VIRMA: variants seen among roughly 807,000 people sequenced by gnomAD.
VIRMA encodes the protein protein virilizer homolog.
VIRMA carries 65 observed loss-of-function variants against 182.4 expected under a neutral mutation model. That is an observed-to-expected ratio of 0.36 (90% confidence interval 0.29 to 0.44). The LOEUF (loss-of-function observed/expected upper bound fraction) is 0.44. VIRMA is among the 20% of genes least tolerant of loss of function. VIRMA has a pLI of 1.00. For synonymous variants in VIRMA, 709 were observed against 743.1 expected (o/e 0.95, Z 0.75); for missense variants, 1,752 against 2,158.1 (o/e 0.81, Z 3.73).
chr8:94,547,883 A>C (rs1245357106), intron 1 of VIRMA, among the ~76,000 whole-genome samples: 2 of 149,480 alleles, frequency 1.3e-5, no homozygotes, highest in African/African-American at 5.0e-5. Flanking sequence ...AAAAAAAAAA[A>C]AACTTTAAAA....
intron 8 of VIRMA, among the ~76,000 whole-genome samples, chr8:94,520,169 G>T (rs1814712004): frequency 7.4e-6 from 1 of 135,990 alleles, no homozygotes; most frequent in Non-Finnish European, 1.5e-5. Context: ...ACTCCAACCT[G>T]AGTGAGACCC....
At chr8:94,542,503 G>C (rs1815592297) in intron 2 of VIRMA, among the ~76,000 whole-genome samples, 1 of 152,184 alleles carries the variant, frequency 6.6e-6, no homozygotes, top group Non-Finnish European at 1.5e-5. Flanking sequence ...GATAATAAAT[G>C]TGTAGTTTTA....
At chr8:94,524,532 T>C (rs778317930) in intron 8 of VIRMA, among the ~76,000 whole-genome samples, 2 of 150,422 alleles carry the variant, frequency 1.3e-5, no homozygotes, top group Non-Finnish European at 3.0e-5. Context: ...CTCGAACTCC[T>C]GAACTCAGAT....
At chr8:94,499,924 C>T (rs1028686049) in intron 16 of VIRMA, among the ~76,000 whole-genome samples, 2 of 151,730 alleles carry the variant, frequency 1.3e-5, no homozygotes, top group Non-Finnish European at 2.9e-5. Flanking sequence ...CAGCACACAC[C>T]TGCAATCCCA....
chr8:94,517,494 C>T (rs1814601229), intron 10 of VIRMA, among the ~76,000 whole-genome samples: 1 of 152,234 alleles, frequency 6.6e-6, no homozygotes. Flanking sequence ...TGAGCCACCG[C>T]ACCCGGCCTT....
chr8:94,491,314 C>A (rs1426111697), intron 22 of VIRMA, among the ~76,000 whole-genome samples: 14 of 141,024 alleles, frequency 9.9e-5, no homozygotes, highest in Admixed American at 2.1e-4. Flanking sequence ...ACTCTTGTCT[C>A]AAAAAAAAAA....
chr8:94,509,667 TTATAA>T lies in VIRMA; in HGVS notation c.3879+16_3879+20del. On this transcript the variant is annotated intron_variant, in intron 15 of 23. Transcript: ENST00000297591. The stretch of plus-strand genomic sequence containing the variant: ...ACACATACACATGCAGAGAGAGACT[TTATAA>T]AATAACTATAAATACCTGATCACAG... The T allele has an allele frequency of 6.3e-7, 1 of 1,595,068 alleles. No individual in the cohort carries two copies.
At chr8:94,537,200 C>T in intron 3 of VIRMA, 49 bp from the exon 4 acceptor site, 1 of 1,153,096 alleles carries the variant, frequency 8.7e-7, no homozygotes, top group Non-Finnish European at 1.3e-6. Flanking sequence ...CTGAACATCA[C>T]AGTTCATGAA....
Position 94,506,612 on chromosome 8 carries a change from A to C in VIRMA, c.3985T>G (p.Cys1329Gly). 1 of 1,613,686 alleles carries C rather than the reference A, an allele frequency of 6.2e-7. No individual in the cohort carries two copies. Among genetic ancestry groups the C allele is most frequent in the Non-Finnish European group, 8.5e-7 (1 of 1,179,636 alleles). Residue 1329 changes from cysteine (C) to glycine (G), a missense_variant, in exon 16 of 24, where the codon TGT (cysteine) becomes GGT (glycine). By Grantham distance (159) the Cys-to-Gly change is radical (BLOSUM62 -3). Transcript: ENST00000297591. ...NKELMTSICD[C>G]LLATLANSES... Reference sequence around the variant, plus strand: ...GAGTTAGCTAGCGTAGCCAACAGACAGTCACAGATTGAGGTCATCAATTCT... The same window carrying C: ...GAGTTAGCTAGCGTAGCCAACAGACCGTCACAGATTGAGGTCATCAATTCT...
chr8:94,506,430 T>C (rs1814156269), intron 16 of VIRMA, 70 bp downstream of exon 16: 3 of 936,786 alleles, frequency 3.2e-6, no homozygotes, highest in Admixed American at 2.2e-5. Flanking sequence ...TGAATTAATG[T>C]GGGGTGAAGG....
At chr8:94,496,764 C>T (rs1202872654) in intron 17 of VIRMA, 2 of 276,352 alleles carry the variant, frequency 7.2e-6, no homozygotes, top group Non-Finnish European at 1.3e-5. Flanking sequence ...TAGGACGTGA[C>T]ACACTGATTG....
intron 19 of VIRMA, 95 bp downstream of exon 19, chr8:94,495,636 G>T: frequency 2.3e-6 from 2 of 869,660 alleles, no homozygotes; most frequent in Non-Finnish European, 3.5e-6. Flanking sequence ...CTTACTATCT[G>T]GCCCTTTATA....
At chr8:94,549,587 G>A (rs1204116613) in intron 1 of VIRMA, among the ~76,000 whole-genome samples, 1 of 152,102 alleles carries the variant, frequency 6.6e-6, no homozygotes, top group African/African-American at 2.4e-5. Context: ...CACATAATCA[G>A]TTGCCATCCT....
chr8:94,526,410 C>T lies in VIRMA; in HGVS notation c.1834G>A (p.Asp612Asn). The change falls in exon 8 of 24, where the codon GAT becomes AAT. Residue 612 changes from aspartate (D) to asparagine (N), a missense_variant. This residue lies in a region of VIRMA where 401 missense variants were observed against 455.1 expected (regional missense o/e 0.88). Transcript: ENST00000297591. ...ENEVEASMDM[D>N]LLESSNISEG... ...CTTATATTTGAGGATTCCAAAAGAT[C>T]CATATCCATAGAAGCTTCCACCTCA... 6.2e-7 allele frequency: 1 copy of T among 1,613,950 alleles called. No homozygotes were observed.
intron 11 of VIRMA, among the ~76,000 whole-genome samples, chr8:94,513,899 T>G (rs1453201234): frequency 6.6e-6 from 1 of 152,218 alleles, no homozygotes; most frequent in African/African-American, 2.4e-5. Context: ...GAAGTAAAAG[T>G]ACTCTTAGGA....
In VIRMA at chr8:94,497,713, T is replaced by C. The variant is rs1813828703; in HGVS notation, c.4231-1233A>G. On this transcript the variant is annotated intron_variant, in intron 17 of 23. Transcript: ENST00000297591. ...CACCATGCCCGGCCTATTTTTCTTA[T>C]TTTAAGAGACGAGTTGGCCAGGCAT... The C allele has an allele frequency of 2.0e-5, 3 of 152,264 alleles. No homozygotes were observed. The South Asian group carries it at 6.2e-4, about 32-fold the overall frequency. The allele number at this position is 152,264 out of a possible 1,614,324, so 9.4% of individuals were successfully genotyped here.
rs1815520667 is a variant in VIRMA, at chr8:94,540,706, C to T, written c.180-2360G>A. Among the ~76,000 whole-genome samples the T allele has an allele frequency of 3.9e-5, 6 of 152,132 alleles. No homozygotes were observed. The South Asian group carries it at 1.0e-3, about 26-fold the overall frequency. On this transcript the variant is annotated intron_variant, in intron 2 of 23. Coordinates refer to ENST00000297591, the MANE Select transcript of VIRMA (RefSeq NM_015496.5). ...CAAACTCCTGACCTCAGCTGATCCA[C>T]CCGCCTCAGCCTCCCAAAGTGCTGG... is the stretch of plus-strand genomic sequence containing the variant.
intron 4 of VIRMA, 84 bp from the exon 5 acceptor site, chr8:94,535,091 G>A (rs1464403307): frequency 4.0e-6 from 6 of 1,503,126 alleles, no homozygotes; most frequent in Non-Finnish European, 5.3e-6. Context: ...TTAGATTGTG[G>A]TTCAACTAAA....
chr8:94,491,292 C>T (rs13251241), intron 22 of VIRMA, among the ~76,000 whole-genome samples: 2 of 150,210 alleles, frequency 1.3e-5, no homozygotes, highest in Non-Finnish European at 3.0e-5. Context: ...CCAGCCTGGG[C>T]GACAGAGCAA....
Sources: allele counts gnomAD v4.1 joint callset (sites outside exome capture counted in the v4.1 genomes callset), GRCh38; gene constraint gnomAD v4.1.1; regional missense constraint gnomAD v4.1.1; transcripts MANE v1.5; gene names NCBI Gene and HGNC (gene_info 2026-07-23, HGNC 2026-07-21).